Variants in VPS8 observed in about 807,000 individuals in gnomAD.
VPS8 encodes the protein vacuolar protein sorting-associated protein 8 homolog.
Under a neutral mutation model 216.4 loss-of-function variants are expected in VPS8, and 129 were observed. The observed-to-expected ratio is 0.60, with a 90% confidence interval of 0.52 to 0.69. The LOEUF (loss-of-function observed/expected upper bound fraction) is 0.69, where lower values mean the gene tolerates loss of function less well. Among genes scored for constraint, VPS8 ranks in the 30% least tolerant of loss-of-function variants. The pLI is 0.00. For missense variants in VPS8, 1,531 were observed against 1,683.5 expected (o/e 0.91, Z 1.59); for synonymous variants, 571 against 565.4 (o/e 1.01, Z -0.14).
intron 42 of VPS8, among the ~76,000 whole-genome samples, chr3:184,983,906 C>A (rs1270931125): frequency 4.6e-5 from 7 of 151,008 alleles, no homozygotes; most frequent in Non-Finnish European, 2.9e-5. Context: ...CAAGCTTGGC[C>A]GGGCGTGGTG....
intron 22 of VPS8, among the ~76,000 whole-genome samples, chr3:184,888,235 G>A (rs914532789): frequency 6.6e-6 from 1 of 152,072 alleles, no homozygotes; most frequent in African/African-American, 2.4e-5. Flanking sequence ...TGATCCACCC[G>A]CCTCAGCCTC....
chr3:184,869,740 A>G (rs2108773095), intron 20 of VPS8, among the ~76,000 whole-genome samples: 1 of 152,258 alleles, frequency 6.6e-6, no homozygotes, highest in Non-Finnish European at 1.5e-5. Flanking sequence ...AAATAGAAAG[A>G]TTAGCCAGGT....
chr3:184,929,754 T>G, intron 33 of VPS8, 90 bp downstream of exon 33: 100 of 665,572 alleles, frequency 1.5e-4, no homozygotes, highest in Non-Finnish European at 1.8e-4. Context: ...TATTTGCGCA[T>G]GTGTATGAGC....
chr3:184,834,826 C>A, intron 5 of VPS8, 84 bp downstream of exon 5: 2 of 1,072,488 alleles, frequency 1.9e-6, no homozygotes, highest in Non-Finnish European at 2.7e-6. Flanking sequence ...AAATACAGCA[C>A]TTCTCTTGGC....
At chr3:184,934,351 A>G (rs996610833) in intron 34 of VPS8, among the ~76,000 whole-genome samples, 6 of 151,928 alleles carry the variant, frequency 3.9e-5, no homozygotes, top group Admixed American at 1.3e-4. Flanking sequence ...TTATATTTTT[A>G]GTAGAGACAG....
Position 184,832,789 on chromosome 3 carries a change from C to T in VPS8, c.323C>T (p.Ser108Leu). The T allele has an allele frequency of 3.1e-6, 5 of 1,610,162 alleles. No individual in the cohort carries two copies. Among genetic ancestry groups the T allele is most frequent in the Non-Finnish European group, 3.4e-6 (4 of 1,177,950 alleles). Reference sequence around the variant, plus strand: ...TATGATACTTCATCTGTGGCAAGCTCAGATAGTGGTGACAGGACCAACTTA... The same window carrying T: ...TATGATACTTCATCTGTGGCAAGCTTAGATAGTGGTGACAGGACCAACTTA... ...HSYDTSSVAS[S>L]DSGDRTNLKR... The change falls in exon 4 of 48, where the codon TCA becomes TTA. Residue 108 changes from serine (S) to leucine (L), a missense_variant. Physicochemically the swap from Ser to Leu is moderately radical, Grantham distance 145. Coordinates refer to ENST00000625842, the MANE Select transcript of VPS8 (RefSeq NM_001009921.3).
chr3:184,932,920 C>T (rs918756178), intron 34 of VPS8, among the ~76,000 whole-genome samples: 20 of 152,228 alleles, frequency 1.3e-4, no homozygotes, highest in African/African-American at 4.6e-4. Context: ...CACAATCATC[C>T]GTATATGTGC....
chr3:185,025,630 GGCAA>G (rs1757237051), intron 46 of VPS8, among the ~76,000 whole-genome samples: 5 of 152,234 alleles, frequency 3.3e-5, no homozygotes. Context: ...GCGAGACTGA[GGCAA>G]TGACTGTTGA....
At chr3:184,999,926 CTCA>C (rs1753173667) in intron 45 of VPS8, 65 bp downstream of exon 45, 1 of 1,500,832 alleles carries the variant, frequency 6.7e-7, no homozygotes, top group Admixed American at 2.3e-5. Flanking sequence ...TGGGCCTGGT[CTCA>C]TTTCCTTCGG....
In VPS8 at chr3:184,926,619, A is replaced by G. The variant is rs755071612; in HGVS notation, c.2600A>G (p.Asp867Gly). The G allele has an allele frequency of 6.2e-6, 10 of 1,605,232 alleles. No homozygotes were observed. The Admixed American group carries it at 6.8e-5, about 11-fold the overall frequency. The change falls in exon 31 of 48, where the codon GAC (aspartate) becomes GGC (glycine). Residue 867 changes from aspartate (D) to glycine (G), a missense_variant. Asp to Gly is a moderately conservative substitution (Grantham distance 94). Transcript: ENST00000625842. ...GTCCTTGAATTCCTTTGTAGTCCTG[A>G]CGATGACTCCCGACACTCTGAAAGA... Reference protein sequence around the residue: ...DQVLEFLCSPDDDSRHSERQQ... With the variant: ...DQVLEFLCSPGDDSRHSERQQ...
chr3:184,898,080 GAAT>G, intron 23 of VPS8, among the ~76,000 whole-genome samples: 1 of 152,120 alleles, frequency 6.6e-6, no homozygotes, highest in Middle Eastern at 3.4e-3. Context: ...TGTAAATAAT[GAAT>G]TATTTGTGTA....
chr3:184,830,427 T>C (rs1482544229), intron 3 of VPS8, among the ~76,000 whole-genome samples: 1 of 151,716 alleles, frequency 6.6e-6, no homozygotes, highest in Non-Finnish European at 1.5e-5. Context: ...TGCATTTTCA[T>C]GTAAGTTTTA....
chr3:184,854,276 A>G lies in VPS8; in HGVS notation c.1035+103A>G. On this transcript the variant is annotated intron_variant, in intron 13 of 47. Transcript: ENST00000625842. ...AATTCTATGAGATTGTCAGAAAACTAGACAGGATGAAAGTCAGTGCTCCAG... is the reference window on the plus strand; with the variant it reads ...AATTCTATGAGATTGTCAGAAAACTGGACAGGATGAAAGTCAGTGCTCCAG... The G allele has an allele frequency of 3.1e-6, 4 of 1,308,304 alleles. 1 individual carries two copies. The South Asian group carries it at 5.0e-5, about 16-fold the overall frequency. 81.0% of individuals were successfully genotyped at this position (1,308,304 alleles called of 1,614,324 possible).
At chr3:185,042,203 G>A (rs1006701453) in intron 46 of VPS8, among the ~76,000 whole-genome samples, 5 of 152,174 alleles carry the variant, frequency 3.3e-5, no homozygotes, top group African/African-American at 1.2e-4. Context: ...ACTCTGTGTT[G>A]TTGAGCATCT....
intron 42 of VPS8, among the ~76,000 whole-genome samples, chr3:184,991,747 G>A (rs1345616174): frequency 1.3e-5 from 2 of 152,108 alleles, no homozygotes; most frequent in African/African-American, 4.8e-5. Flanking sequence ...GCATTAACAA[G>A]GGTCTATTTT....
chr3:185,024,851 A>T (rs1317833069), intron 46 of VPS8, among the ~76,000 whole-genome samples: 3 of 151,984 alleles, frequency 2.0e-5, no homozygotes, highest in Non-Finnish European at 4.4e-5. Context: ...AAAAATAGAA[A>T]ATTAGCTCGG....
At chr3:185,032,420 G>A (rs1432582813) in intron 46 of VPS8, among the ~76,000 whole-genome samples, 3 of 152,146 alleles carry the variant, frequency 2.0e-5, no homozygotes, top group East Asian at 3.9e-4. Context: ...AGATGGGGTG[G>A]GTAAACAAAG....
chr3:185,021,461 A>G (rs1756649647), intron 45 of VPS8, among the ~76,000 whole-genome samples: 1 of 152,192 alleles, frequency 6.6e-6, no homozygotes, highest in Non-Finnish European at 1.5e-5. Flanking sequence ...AAGTCTGCAG[A>G]TTCTTTCATG....
chr3:184,844,489 A>G (rs1371736065), intron 8 of VPS8, among the ~76,000 whole-genome samples: 2 of 152,160 alleles, frequency 1.3e-5, no homozygotes, highest in Non-Finnish European at 2.9e-5. Context: ...ATATTGGCCA[A>G]TAAAGGTAGA....
Sources: allele counts gnomAD v4.1 joint callset (sites outside exome capture counted in the v4.1 genomes callset), GRCh38; gene constraint gnomAD v4.1.1; transcripts MANE v1.5; gene names NCBI Gene and HGNC (gene_info 2026-07-23, HGNC 2026-07-21).